The following SLC39A11 variants were observed in gnomAD, a reference collection of about 807,000 sequenced individuals.
SLC39A11 encodes solute carrier family 39 member 11.
SLC39A11 carries 33 observed loss-of-function variants against 36.1 expected under a neutral mutation model. The observed-to-expected ratio is 0.91, with a 90% CI of 0.69 to 1.22. SLC39A11 has a LOEUF of 1.22. Ranked by LOEUF, SLC39A11 falls within the 50% of genes most tolerant of loss-of-function variation. The probability of loss-of-function intolerance (pLI) is 0.00; values close to 1 mark genes in which losing one functional copy is unlikely to be tolerated. For synonymous variants in SLC39A11, 166 were observed against 170.3 expected (o/e 0.97, Z 0.20); for missense variants, 432 against 430.3 (o/e 1.00, Z -0.03).
intron 7 of SLC39A11, among the ~76,000 whole-genome samples, chr17:72,731,429 A>G (rs926768383): frequency 2.0e-5 from 3 of 152,152 alleles, no homozygotes; most frequent in Non-Finnish European, 4.4e-5. Flanking sequence ...AGGTGATTTG[A>G]TCATGGGGGC....
chr17:72,726,941 G>A (rs147596457), intron 7 of SLC39A11, among the ~76,000 whole-genome samples: 9 of 152,130 alleles, frequency 5.9e-5, no homozygotes, highest in Non-Finnish European at 1.0e-4. Flanking sequence ...TAGCTGGTCC[G>A]GTCATATCTT....
chr17:73,070,072 G>A (rs2060115568), intron 3 of SLC39A11, among the ~76,000 whole-genome samples: 1 of 152,174 alleles, frequency 6.6e-6, no homozygotes, highest in Non-Finnish European at 1.5e-5. Context: ...GACATAGTAT[G>A]TGATCCAACA....
intron 7 of SLC39A11, among the ~76,000 whole-genome samples, chr17:72,687,712 CATCATGCTAAT>C (rs2071825057): frequency 6.6e-6 from 1 of 152,190 alleles, no homozygotes; most frequent in Non-Finnish European, 1.5e-5. Flanking sequence ...AGGGAAGGTC[CATCATGCTAAT>C]AGTGTTGAAG....
At chr17:72,926,671 C>T (rs1304766816) in intron 5 of SLC39A11, among the ~76,000 whole-genome samples, 1 of 152,022 alleles carries the variant, frequency 6.6e-6, no homozygotes, top group Admixed American at 6.6e-5. Flanking sequence ...TCCAAGTTGA[C>T]CATTTCCAGG....
At chr17:72,933,612 C>T (rs188239042) in intron 5 of SLC39A11, among the ~76,000 whole-genome samples, 5 of 152,194 alleles carry the variant, frequency 3.3e-5, no homozygotes, top group Admixed American at 6.5e-5. Flanking sequence ...CTCCGCCTCC[C>T]GGGTTCAAGC....
chr17:72,983,252 C>T (rs142503518), intron 4 of SLC39A11, among the ~76,000 whole-genome samples: 154 of 152,174 alleles, frequency 1.0e-3, no homozygotes, highest in African/African-American at 3.6e-3. Flanking sequence ...CAGGTTCAAG[C>T]GATTCTCCTG....
At position 73,024,969 on chromosome 17, in the gene SLC39A11, G is replaced by A. The variant is rs145055171; in HGVS notation, c.306+6587C>T. ...GACCTCAACTGATCCACCCACCTCGGCCTCCCAAAATGCTGAGATTATAGG... is the reference window on the plus strand; with the variant it reads ...GACCTCAACTGATCCACCCACCTCGACCTCCCAAAATGCTGAGATTATAGG... On this transcript the variant is annotated intron_variant, in intron 4 of 9. Transcript: ENST00000255559. Among the ~76,000 whole-genome samples the A allele has an allele frequency of 1.7e-3, 246 of 148,140 alleles. 1 individual carries two copies. The highest frequency in any genetic ancestry group is 5.9e-3 in the African/African-American group (237 of 40,420).
intron 7 of SLC39A11, among the ~76,000 whole-genome samples, chr17:72,732,051 T>C (rs1454702004): frequency 3.8e-5 from 4 of 106,530 alleles, no homozygotes; most frequent in Non-Finnish European, 4.0e-5. Context: ...TTTTTTTTTT[T>C]TTTTTTTTTT....
intron 6 of SLC39A11, among the ~76,000 whole-genome samples, chr17:72,836,513 G>C (rs1382928622): frequency 2.0e-5 from 3 of 151,964 alleles, no homozygotes; most frequent in Non-Finnish European, 2.9e-5. Flanking sequence ...ACTAATTTTT[G>C]TATTTTTTGT....
At chr17:72,670,220 T>TAG (rs2070962873) in intron 7 of SLC39A11, among the ~76,000 whole-genome samples, 1 of 145,458 alleles carries the variant, frequency 6.9e-6, no homozygotes, top group African/African-American at 2.6e-5. Flanking sequence ...CACATATATA[T>TAG]ATATGCCAGG....
chr17:72,863,466 T>A (rs2080143961), intron 5 of SLC39A11, among the ~76,000 whole-genome samples: 1 of 152,180 alleles, frequency 6.6e-6, no homozygotes, highest in South Asian at 2.1e-4. Context: ...TAACCTGTGA[T>A]GGTTCTACTC....
At chr17:72,782,603 T>C (rs1217977565) in intron 6 of SLC39A11, among the ~76,000 whole-genome samples, 1 of 146,974 alleles carries the variant, frequency 6.8e-6, no homozygotes, top group Non-Finnish European at 1.5e-5. Context: ...GCTGGAGAAC[T>C]GTTTGAACTG....
At chr17:72,682,528 G>C (rs116765289) in intron 7 of SLC39A11, among the ~76,000 whole-genome samples, 3,603 of 152,284 alleles carry the variant, frequency 0.024, 132 homozygotes, top group African/African-American at 0.08. Flanking sequence ...GGAGGGGGCC[G>C]GTGCCCCCAA....
intron 7 of SLC39A11, among the ~76,000 whole-genome samples, chr17:72,682,598 G>C (rs2071556993): frequency 6.6e-6 from 1 of 152,204 alleles, no homozygotes. Flanking sequence ...TTGTGGGCAA[G>C]ACAGGTGGTT....
intron 7 of SLC39A11, among the ~76,000 whole-genome samples, chr17:72,674,040 C>G (rs1192252649): frequency 2.6e-5 from 4 of 152,030 alleles, no homozygotes; most frequent in African/African-American, 9.7e-5. Context: ...TGCAATCCAG[C>G]CTGGGCAATG....
chr17:72,729,378 C>A (rs1379516106), intron 7 of SLC39A11, among the ~76,000 whole-genome samples: 1 of 121,366 alleles, frequency 8.2e-6, no homozygotes, highest in African/African-American at 2.9e-5. Context: ...CCTGGGACTA[C>A]AGGTGCATGC....
At chr17:72,792,294 T>C (rs893362396) in intron 6 of SLC39A11, among the ~76,000 whole-genome samples, 1 of 152,178 alleles carries the variant, frequency 6.6e-6, no homozygotes, top group Non-Finnish European at 1.5e-5. Context: ...TGACCCTTAG[T>C]TCCCGCAGGA....
chr17:73,040,981 T>A (rs544448700), intron 3 of SLC39A11, among the ~76,000 whole-genome samples: 4 of 47,936 alleles, frequency 8.3e-5, no homozygotes, highest in Admixed American at 2.7e-4. Context: ...TCAGACTCCA[T>A]CTCAAAAAAA....
At chr17:72,785,272 C>T (rs896097792) in intron 6 of SLC39A11, among the ~76,000 whole-genome samples, 3 of 152,172 alleles carry the variant, frequency 2.0e-5, no homozygotes, top group Non-Finnish European at 4.4e-5. Flanking sequence ...AGGGAAATTA[C>T]CATCAAGGAG....
Sources: gnomAD v4.1 joint callset for allele counts (sites outside exome capture counted in the v4.1 genomes callset) on GRCh38, gnomAD v4.1.1 for gene constraint, MANE v1.5 for transcripts, NCBI Gene and HGNC (gene_info 2026-07-23, HGNC 2026-07-21) for gene names.